The following COP1 variants were observed in gnomAD, a reference collection of about 807,000 sequenced individuals.
COP1 encodes the protein COP1 E3 ubiquitin ligase, also known as E3 ubiquitin-protein ligase COP1.
COP1 carries 24 observed loss-of-function variants against 101.3 expected under a neutral mutation model. That is an observed-to-expected ratio of 0.24 (90% CI 0.17 to 0.33). COP1 has a LOEUF of 0.33. Among genes scored for constraint, COP1 ranks in the 10% least tolerant of loss-of-function variants. The probability of loss-of-function intolerance (pLI) is 1.00; values close to 1 mark genes in which losing one functional copy is unlikely to be tolerated. For synonymous variants in COP1, 347 were observed against 341.9 expected, an observed-to-expected ratio of 1.01 and a Z score of -0.17; for missense variants, 663 against 906.2, an observed-to-expected ratio of 0.73 and a Z score of 3.45.
chr1:176,139,514 G>T (rs1161606220), intron 6 of COP1, among the ~76,000 whole-genome samples: 3 of 152,072 alleles, frequency 2.0e-5, no homozygotes, highest in African/African-American at 7.2e-5. Context: ...AAGTGTATTT[G>T]TATGTTCATC....
intron 11 of COP1, among the ~76,000 whole-genome samples, chr1:176,050,567 C>T (rs1230056837): frequency 6.6e-6 from 1 of 152,084 alleles, no homozygotes; most frequent in Non-Finnish European, 1.5e-5. Context: ...GTAACTAAAA[C>T]TTTAAGGAAA....
At position 176,036,507 on chromosome 1, in the gene COP1, CAAAAAAAAAAAAA is replaced by C. The variant is rs77138527; in HGVS notation, c.1612+6666_1612+6678del. On this transcript the variant is annotated intron_variant, in intron 14 of 19. Coordinates refer to ENST00000367669, the MANE Select transcript of COP1 (RefSeq NM_022457.7). ...AGAGGTAATGAAAAAAACAAAAAAA[CAAAAAAAAAAAAA>C]AAAAAAGCATGGCTACAAACCCTAG... is the stretch of plus-strand genomic sequence containing the variant. Among the ~76,000 whole-genome samples, 200 of 127,346 alleles carry C rather than the reference CAAAAAAAAAAAAA, an allele frequency of 1.6e-3. 2 individuals carry two copies. The highest frequency in any genetic ancestry group is 5.7e-3 in the African/African-American group (188 of 32,810). 83.5% of individuals were successfully genotyped at this position (127,346 alleles called of 152,430 possible). A position where few individuals can be genotyped will look rare whatever the true frequency, so the allele number is the denominator to read the frequency against.
intron 1 of COP1, among the ~76,000 whole-genome samples, chr1:176,200,147 T>C (rs1700119258): frequency 6.6e-6 from 1 of 152,102 alleles, no homozygotes; most frequent in Non-Finnish European, 1.5e-5. Context: ...ACTATAAGAG[T>C]ATCTACAGCA....
At chr1:176,174,560 T>TA (rs34854187) in intron 3 of COP1, among the ~76,000 whole-genome samples, 2 of 150,792 alleles carry the variant, frequency 1.3e-5, no homozygotes, top group Non-Finnish European at 2.9e-5. Context: ...TTTTCCTTCA[T>TA]AAAAAAAAAA....
intron 15 of COP1, among the ~76,000 whole-genome samples, chr1:175,999,577 T>C (rs1337825472): frequency 6.6e-6 from 1 of 152,104 alleles, no homozygotes; most frequent in Admixed American, 6.6e-5. Flanking sequence ...AACATGGGAA[T>C]GCAGATAGCT....
chr1:176,104,916 T>C (rs1684060116), intron 9 of COP1, among the ~76,000 whole-genome samples: 2 of 152,168 alleles, frequency 1.3e-5, no homozygotes, highest in South Asian at 2.1e-4. Context: ...AGTGATTAAG[T>C]AAATTACAGT....
chr1:175,985,554 C>G (rs972415764), intron 18 of COP1, among the ~76,000 whole-genome samples: 3 of 152,170 alleles, frequency 2.0e-5, no homozygotes, highest in Admixed American at 2.0e-4. Flanking sequence ...CATACAACGT[C>G]AGGCACTGAG....
intron 5 of COP1, among the ~76,000 whole-genome samples, chr1:176,153,494 A>T (rs972109128): frequency 1.3e-5 from 2 of 152,194 alleles, no homozygotes; most frequent in Non-Finnish European, 2.9e-5. Context: ...GTCGGCTGAG[A>T]CTATGGGATT....
chr1:176,192,203 T>C (rs565320912), intron 1 of COP1, among the ~76,000 whole-genome samples: 4 of 152,262 alleles, frequency 2.6e-5, no homozygotes, highest in African/African-American at 9.6e-5. Context: ...CTTCCTGGAT[T>C]TTATTCCATT....
chr1:175,969,667 G>A (rs1256168381), intron 18 of COP1, among the ~76,000 whole-genome samples: 2 of 152,082 alleles, frequency 1.3e-5, no homozygotes, highest in African/African-American at 2.4e-5. Flanking sequence ...TCTGTGTCAC[G>A]TAAAACTTCT....
At chr1:176,126,024 G>A (rs1687926478) in intron 8 of COP1, among the ~76,000 whole-genome samples, 1 of 152,086 alleles carries the variant, frequency 6.6e-6, no homozygotes, top group Admixed American at 6.5e-5. Context: ...ATCGTTCACT[G>A]CTGGCATATA....
intron 5 of COP1, 102 bp downstream of exon 5, chr1:176,162,767 T>C: frequency 1.1e-6 from 1 of 932,496 alleles, no homozygotes. Context: ...TAAAAATGAA[T>C]GGATTAGTGA....
Position 176,206,787 on chromosome 1 carries a change from C to A in COP1, c.192G>T (p.Pro64=), listed in dbSNP as rs1378971323. 7.8e-6 allele frequency: 11 copies of A among 1,405,078 alleles called. No individual in the cohort carries two copies. The highest frequency in any genetic ancestry group is 3.5e-5 in the Admixed American group (1 of 28,884). 87.0% of individuals were successfully genotyped at this position (1,405,078 alleles called of 1,614,324 possible). A position where few individuals can be genotyped will look rare whatever the true frequency, so the allele number is the denominator to read the frequency against. The change falls in exon 1 of 20, where the codon CCG becomes CCT. Residue 64 remains proline (P), a synonymous_variant. Coordinates refer to ENST00000367669, the MANE Select transcript of COP1 (RefSeq NM_022457.7). The stretch of plus-strand genomic sequence containing the variant: ...CGGGCGCCACCAACACAGGCCGCAC[C>A]GGGCCCCCGAGGCCGCCCGAGCCGG... The part of the protein sequence containing the change: ...QAAGSGGLGG[P]VRPVLVAPAV...
At chr1:176,146,305 C>T (rs1232212272) in intron 6 of COP1, among the ~76,000 whole-genome samples, 1 of 152,088 alleles carries the variant, frequency 6.6e-6, no homozygotes, top group Non-Finnish European at 1.5e-5. Context: ...AACTAACAAA[C>T]GCTGTTAATA....
At chr1:176,042,688 G>GC (rs989743819) in intron 14 of COP1, among the ~76,000 whole-genome samples, 2 of 131,356 alleles carry the variant, frequency 1.5e-5, no homozygotes, top group Non-Finnish European at 3.1e-5. Flanking sequence ...CCGAGACTGC[G>GC]CCACTGCACT....
At chr1:176,086,034 T>C in intron 9 of COP1, 144 bp from the exon 10 acceptor site, 1 of 463,974 alleles carries the variant, frequency 2.2e-6, no homozygotes, top group Non-Finnish European at 3.9e-6. Context: ...TTCTGAGATA[T>C]TTTCCAATTT....
At chr1:176,076,778 C>CA (rs1678102570) in intron 11 of COP1, among the ~76,000 whole-genome samples, 1 of 151,872 alleles carries the variant, frequency 6.6e-6, no homozygotes, top group Non-Finnish European at 1.5e-5. Context: ...TCAGAAATGA[C>CA]AAAGATGACG....
chr1:176,204,584 A>C (rs1285452873), intron 1 of COP1, among the ~76,000 whole-genome samples: 2 of 152,178 alleles, frequency 1.3e-5, no homozygotes, highest in African/African-American at 4.8e-5. Flanking sequence ...TGAATATTAA[A>C]CCTCACCAGA....
intron 15 of COP1, among the ~76,000 whole-genome samples, chr1:176,008,367 C>T (rs7414774): frequency 6.6e-6 from 1 of 152,188 alleles, no homozygotes; most frequent in East Asian, 1.9e-4. Flanking sequence ...TTTGCTCCTC[C>T]TGATTCTTTC....
Sources: gnomAD v4.1 joint callset for allele counts (sites outside exome capture counted in the v4.1 genomes callset) on GRCh38, gnomAD v4.1.1 for gene constraint, MANE v1.5 for transcripts, NCBI Gene and HGNC (gene_info 2026-07-23, HGNC 2026-07-21) for gene names.